The following CHN2 variants were observed in gnomAD, a reference collection of about 807,000 sequenced individuals.
CHN2 encodes chimerin 2, also known as beta-chimaerin.
In CHN2, 35 loss-of-function variants were observed where a neutral mutation model predicts 56.3. That is an observed-to-expected ratio of 0.62 (90% CI 0.47 to 0.82). The LOEUF (loss-of-function observed/expected upper bound fraction) is 0.82, where lower values mean the gene tolerates loss of function less well. Ranked by LOEUF, CHN2 falls within the 40% of genes least tolerant of loss-of-function variation. The pLI, the probability that CHN2 is intolerant of heterozygous loss-of-function variation, is 0.00. For synonymous variants in CHN2, 210 were observed against 212.8 expected (o/e 0.99, Z 0.12); for missense variants, 491 against 580.5 (o/e 0.85, Z 1.58).
At chr7:29,224,634 A>G (rs1256654557) in intron 1 of CHN2, among the ~76,000 whole-genome samples, 1 of 152,224 alleles carries the variant, frequency 6.6e-6, no homozygotes, top group Non-Finnish European at 1.5e-5. Flanking sequence ...TGTTTACCAA[A>G]GAGATTATTG....
At chr7:29,365,933 C>T (rs188917659) in intron 2 of CHN2, among the ~76,000 whole-genome samples, 5 of 152,182 alleles carry the variant, frequency 3.3e-5, no homozygotes, top group Admixed American at 2.6e-4. Context: ...GAAGAGGAGT[C>T]GACACACTTT....
chr7:29,147,154 AC>A, intron 2 of CHN2: 1 of 735,336 alleles, frequency 1.4e-6, no homozygotes, highest in Non-Finnish European at 2.1e-6. Context: ...ATTAGCCACC[AC>A]CAGGTGCTGG....
chr7:29,421,223 G>A (rs954126175), intron 6 of CHN2, among the ~76,000 whole-genome samples: 3 of 152,200 alleles, frequency 2.0e-5, no homozygotes, highest in Non-Finnish European at 4.4e-5. Context: ...AGCACCAGAG[G>A]TTGATCTGAA....
At chr7:29,216,241 A>G (rs1785331205) in intron 1 of CHN2, among the ~76,000 whole-genome samples, 1 of 152,212 alleles carries the variant, frequency 6.6e-6, no homozygotes, top group Non-Finnish European at 1.5e-5. Context: ...ACTCTGCAGT[A>G]TATCTGGGAG....
chr7:29,374,860 C>CCTCCCTTTCTCCCTTT (rs748126299), intron 3 of CHN2, among the ~76,000 whole-genome samples: 1 of 150,504 alleles, frequency 6.6e-6, no homozygotes, highest in African/African-American at 2.4e-5. Context: ...TGCCTCCCTC[C>CCTCCCTTTCTCCCTTT]CTCCCTTTCT....
intron 5 of CHN2, 41 bp from the exon 6 acceptor site, chr7:29,400,502 A>G (rs749654661): frequency 5.6e-6 from 9 of 1,594,782 alleles, no homozygotes; most frequent in Admixed American, 1.7e-5. Context: ...CACTGTGCTT[A>G]TTTCTAACGT....
Position 29,496,023 on chromosome 7 carries a change from G to A in CHN2, c.726G>A (p.Gly242=). The part of the protein sequence containing the change: ...ANFMWGLIAQ[G]VRCSDCGLNV... ...TCATGTGGGGGCTCATCGCCCAAGG[G>A]GTCCGGTGCTCAGGTAGACACAGAA... Residue 242 remains glycine, a synonymous_variant, in exon 8 of 13, where the codon GGG becomes GGA. Transcript: ENST00000222792. The A allele has an allele frequency of 6.2e-7, 1 of 1,612,324 alleles. No individual in the cohort carries two copies. The highest frequency in any genetic ancestry group is 8.5e-7 in the Non-Finnish European group (1 of 1,179,406).
intron 4 of CHN2, among the ~76,000 whole-genome samples, chr7:29,394,109 G>A (rs954233490): frequency 3.9e-5 from 6 of 152,066 alleles, no homozygotes; most frequent in African/African-American, 7.3e-5. Flanking sequence ...CGTGTACCTC[G>A]GTGCGGTGGT....
At chr7:29,408,108 C>T (rs1048782427) in intron 6 of CHN2, among the ~76,000 whole-genome samples, 7 of 151,640 alleles carry the variant, frequency 4.6e-5, no homozygotes, top group Non-Finnish European at 8.8e-5. Context: ...GAGAATCACC[C>T]GAACTCAGAA....
chr7:29,436,833 T>TA (rs1783260615), intron 6 of CHN2, among the ~76,000 whole-genome samples: 1 of 152,156 alleles, frequency 6.6e-6, no homozygotes, highest in African/African-American at 2.4e-5. Flanking sequence ...GTATTGGGCT[T>TA]ACAATACACA....
At chr7:29,351,014 A>G (rs1797835538) in intron 1 of CHN2, among the ~76,000 whole-genome samples, 1 of 151,098 alleles carries the variant, frequency 6.6e-6, no homozygotes, top group Non-Finnish European at 1.5e-5. Flanking sequence ...AGACTGAGGC[A>G]GGAGAATCAC....
At chr7:29,288,397 T>A (rs949614154) in intron 1 of CHN2, among the ~76,000 whole-genome samples, 1 of 152,254 alleles carries the variant, frequency 6.6e-6, no homozygotes, top group East Asian at 1.9e-4. Flanking sequence ...CAAAAGAAAT[T>A]AGAAAAATGT....
chr7:29,330,324 C>T (rs1796123583), intron 1 of CHN2, among the ~76,000 whole-genome samples: 1 of 152,170 alleles, frequency 6.6e-6, no homozygotes, highest in East Asian at 1.9e-4. Context: ...GATATTGCAC[C>T]GTTGACCTTC....
At chr7:29,156,835 T>C (rs1003365363) in intron 2 of CHN2, among the ~76,000 whole-genome samples, 4 of 152,106 alleles carry the variant, frequency 2.6e-5, no homozygotes, top group African/African-American at 4.8e-5. Flanking sequence ...CAGTGGATTA[T>C]GCACCTGGAG....
chr7:29,304,224 A>G (rs534969173), intron 1 of CHN2, among the ~76,000 whole-genome samples: 6 of 152,376 alleles, frequency 3.9e-5, no homozygotes, highest in South Asian at 4.1e-4. Context: ...TAGAAGTACA[A>G]GAAGTGTAGA....
chr7:29,297,631 C>G (rs974858791), intron 1 of CHN2, among the ~76,000 whole-genome samples: 1 of 152,160 alleles, frequency 6.6e-6, no homozygotes, highest in South Asian at 2.1e-4. Flanking sequence ...GTAGTTTGCA[C>G]AGAGAGAGGG....
chr7:29,434,442 T>C (rs929723115), intron 6 of CHN2, among the ~76,000 whole-genome samples: 9 of 151,926 alleles, frequency 5.9e-5, no homozygotes, highest in African/African-American at 2.2e-4. Flanking sequence ...TTCTGGGCCA[T>C]GCTCTCTCTG....
rs553592653 is a variant in CHN2, at chr7:29,379,000, A to G, written c.144+11013A>G. Among the ~76,000 whole-genome samples, 19 of 152,350 alleles carry G rather than the reference A, an allele frequency of 1.2e-4. 1 individual carries two copies. The South Asian group carries it at 3.7e-3, about 30-fold the overall frequency. On this transcript the variant is annotated intron_variant, in intron 3 of 12. Coordinates refer to ENST00000222792, the MANE Select transcript of CHN2 (RefSeq NM_004067.4). ...AAAGAAAAAGAGTGGGTTAATATAC[A>G]TAAAGCACTTAGAACAGTGCCTGAC...
At chr7:29,443,925 G>C (rs770565140) in intron 6 of CHN2, among the ~76,000 whole-genome samples, 12 of 152,158 alleles carry the variant, frequency 7.9e-5, no homozygotes, top group Non-Finnish European at 1.6e-4. Context: ...TTCAGGAAAA[G>C]GCAGGAAATA....
Sources: allele counts gnomAD v4.1 joint callset (sites outside exome capture counted in the v4.1 genomes callset), GRCh38; gene constraint gnomAD v4.1.1; transcripts MANE v1.5; gene names NCBI Gene and HGNC (gene_info 2026-07-23, HGNC 2026-07-21).